FASTKD5: variants seen among roughly 807,000 people sequenced by gnomAD.
The protein encoded by FASTKD5 is FAST kinase domains 5, also known as non-canonical pre-mRNAs endonuclease FASTKD5, mitochondrial.
Under a neutral mutation model 44.0 loss-of-function variants are expected in FASTKD5, and 30 were observed. The observed-to-expected ratio is 0.68, with a 90% confidence interval of 0.51 to 0.93. FASTKD5 has a LOEUF of 0.93. FASTKD5 is among the 40% of genes least tolerant of loss of function. FASTKD5 has a pLI of 0.00. For synonymous variants in FASTKD5, 335 were observed against 342.2 expected, an observed-to-expected ratio of 0.98 and a Z score of 0.23; for missense variants, 868 against 908.2, an observed-to-expected ratio of 0.96 and a Z score of 0.57.
At chr20:3,155,815 C>A (rs1305016514) in intron 1 of FASTKD5, among the ~76,000 whole-genome samples, 1 of 152,168 alleles carries the variant, frequency 6.6e-6, no homozygotes, top group Non-Finnish European at 1.5e-5. Flanking sequence ...AATAAGGAAT[C>A]TTAGAGGCAT....
chr20:3,147,766 C>T lies in FASTKD5; in HGVS notation c.1305G>A (p.Trp435Ter), dbSNP rs763646087. 1 of 1,614,172 alleles carries T rather than the reference C, an allele frequency of 6.2e-7. No individual in the cohort carries two copies. The highest frequency in any genetic ancestry group is 1.1e-5 in the South Asian group (1 of 91,088). The change falls in exon 2 of 2, where the codon TGG becomes TGA. Residue 435 changes from tryptophan (W) to a stop codon, truncating the protein, a stop_gained. Transcript: ENST00000380266. LOFTEE classifies it high-confidence loss of function. ...CRSKDVAKIL[W>*]SFGTLNYKPP... ...GCTTATAATTCAGAGTTCCAAATGA[C>T]CACAGAATCTTGGCAACATCTTTAC...
At chr20:3,159,300 C>T (rs2066722072) in intron 1 of FASTKD5, among the ~76,000 whole-genome samples, 1 of 152,202 alleles carries the variant, frequency 6.6e-6, no homozygotes, top group Non-Finnish European at 1.5e-5. Context: ...GGCCTTGCTA[C>T]TCAGTGTGTG....
chr20:3,155,280 A>G (rs547181180), intron 1 of FASTKD5, among the ~76,000 whole-genome samples: 1 of 152,272 alleles, frequency 6.6e-6, no homozygotes, highest in African/African-American at 2.4e-5. Flanking sequence ...CTGTAATCCC[A>G]GCACTTTGGA....
chr20:3,148,412 T>C lies in FASTKD5; in HGVS notation c.659A>G (p.His220Arg), dbSNP rs1344888085. The C allele has an allele frequency of 6.2e-7, 1 of 1,614,006 alleles. No individual in the cohort carries two copies. Among genetic ancestry groups the C allele is most frequent in the Admixed American group, 1.7e-5 (1 of 60,004 alleles). Residue 220 changes from histidine (H) to arginine (R), a missense_variant, in exon 2 of 2, where the codon CAC becomes CGC. Transcript: ENST00000380266. ...ATACACATCTAGCATTGAATGGGAG[T>C]GAGGGATTCCTAAAATGACAAAAGC... ...LKAFVILGIP[H>R]SHSMLDVYET...
chr20:3,148,272 T>C lies in FASTKD5; in HGVS notation c.799A>G (p.Ser267Gly), dbSNP rs1375467661. Residue 267 changes from serine (S) to glycine (G), a missense_variant, in exon 2 of 2, where the codon AGT becomes GGT. Physicochemically the swap from Ser to Gly is moderately conservative, Grantham distance 56. Coordinates refer to ENST00000380266, the MANE Select transcript of FASTKD5 (RefSeq NM_021826.5). Reference protein sequence around the residue: ...KVPRFLNIFSSYLNLHWKDLS... With the variant: ...KVPRFLNIFSGYLNLHWKDLS... ...TCCTTCCAGTGCAAATTAAGATAAC[T>C]AGAAAAAATGTTTAAAAACCTAGGT... The C allele has an allele frequency of 1.9e-6, 3 of 1,611,000 alleles. No homozygotes were observed. The highest frequency in any genetic ancestry group is 2.5e-6 in the Non-Finnish European group (3 of 1,179,346).
rs1243077424 is a variant in FASTKD5, at chr20:3,148,675, T to C, written c.396A>G (p.Ala132=). 1 of 1,614,224 alleles carries C rather than the reference T, an allele frequency of 6.2e-7. No homozygotes were observed. The highest frequency in any genetic ancestry group is 1.1e-5 in the South Asian group (1 of 91,088). ...RPEYRVHSYN[A]SETSQLLSVS... Reference sequence around the variant, plus strand: ...CAGACAGGAGCTGAGAAGTCTCAGATGCATTATAGCTGTGAACACGGTATT... The same window carrying C: ...CAGACAGGAGCTGAGAAGTCTCAGACGCATTATAGCTGTGAACACGGTATT... Residue 132 remains alanine, a synonymous_variant, in exon 2 of 2, where the codon GCA becomes GCG. Coordinates refer to ENST00000380266, the MANE Select transcript of FASTKD5 (RefSeq NM_021826.5).
intron 1 of FASTKD5, among the ~76,000 whole-genome samples, chr20:3,159,483 A>G (rs1258733572): frequency 2.0e-5 from 3 of 152,258 alleles, no homozygotes; most frequent in African/African-American, 7.2e-5. Context: ...GCACCGTGAG[A>G]CAAGTACTGT....
rs1481619853 is a variant in FASTKD5 at position 3,148,163 on chromosome 20, T to A, written c.908A>T (p.Glu303Val). Residue 303 changes from glutamate to valine, a missense_variant, in exon 2 of 2, where the codon GAA becomes GTA. By Grantham distance (121) the Glu-to-Val change is moderately radical. Transcript: ENST00000380266. ...ATCTATATATTTAAGGATCAATGAT[T>A]CCAATTTTTGCATTAGGTCCTGGGA... Reference protein sequence around the residue: ...QVSQDLMQKLESLILKYIDLI... With the variant: ...QVSQDLMQKLVSLILKYIDLI... 1.2e-6 allele frequency: 2 copies of A among 1,613,808 alleles called. No individual in the cohort carries two copies. Among genetic ancestry groups the A allele is most frequent in the East Asian group, 4.5e-5 (2 of 44,884 alleles).
In FASTKD5 at chr20:3,149,156, A is replaced by G. The variant is rs1442536750; in HGVS notation, c.-86T>C. On this transcript the variant is annotated 5_prime_UTR_variant, in exon 2 of 2. Coordinates refer to ENST00000380266, the MANE Select transcript of FASTKD5 (RefSeq NM_021826.5). The surrounding 1 kb of genome is among the most constrained non-coding windows in gnomAD (Gnocchi z 4.1). Reference sequence around the variant, plus strand: ...CAATTTCTTGTTTATATGGTGCTTGATTAGAGCTGGACGGGGAGGTGTTCC... The same window carrying G: ...CAATTTCTTGTTTATATGGTGCTTGGTTAGAGCTGGACGGGGAGGTGTTCC... The G allele has an allele frequency of 2.1e-6, 3 of 1,451,888 alleles. No homozygotes were observed. The highest frequency in any genetic ancestry group is 1.4e-5 in the African/African-American group (1 of 70,594). The allele number at this position is 1,451,888 out of a possible 1,614,324, so 89.9% of individuals were successfully genotyped here. A position where few individuals can be genotyped will look rare whatever the true frequency, so the allele number is the denominator to read the frequency against.
intron 1 of FASTKD5, among the ~76,000 whole-genome samples, chr20:3,152,266 G>A (rs988431468): frequency 6.6e-6 from 1 of 150,948 alleles, no homozygotes; most frequent in African/African-American, 2.4e-5. Context: ...GGATCTATGA[G>A]GTCAGGCATT....
intron 1 of FASTKD5, among the ~76,000 whole-genome samples, chr20:3,153,166 A>G (rs1020705932): frequency 1.3e-5 from 2 of 152,254 alleles, no homozygotes; most frequent in Admixed American, 1.3e-4. Flanking sequence ...AATTACTTCA[A>G]TTAATTCTAC....
chr20:3,155,553 G>A (rs574541069), intron 1 of FASTKD5, among the ~76,000 whole-genome samples: 35 of 152,142 alleles, frequency 2.3e-4, no homozygotes, highest in Non-Finnish European at 3.1e-4. Context: ...TGGGTCGGGA[G>A]AGGAAACTAT....
chr20:3,154,626 T>C (rs568741700), intron 1 of FASTKD5, among the ~76,000 whole-genome samples: 24 of 152,152 alleles, frequency 1.6e-4, no homozygotes, highest in African/African-American at 5.5e-4. Flanking sequence ...AAGGCTGCAG[T>C]GAGCTGTGAT....
In FASTKD5 at chr20:3,147,527, TA is replaced by T; in HGVS notation, c.1543del (p.Tyr515IlefsTer34). 3.1e-6 allele frequency: 5 copies of T among 1,614,182 alleles called. No homozygotes were observed. The highest frequency in any genetic ancestry group is 4.2e-6 in the Non-Finnish European group (5 of 1,180,038). On this transcript the variant is annotated frameshift_variant, in exon 2 of 2. Coordinates refer to ENST00000380266, the MANE Select transcript of FASTKD5 (RefSeq NM_021826.5). LOFTEE classifies it high-confidence loss of function. The stretch of plus-strand genomic sequence containing the variant: ...AATGCCAACTGTACCATCGAGGGTA[TA>T]TAGTTCCTTAAGGAGGTCAAACTTA... Reference protein sequence around the residue: ...RTKFDLLKELYTLDGTVGIEC... With the variant: ...RTKFDLLKELXTLDGTVGIEC...
Position 3,147,477 on chromosome 20 carries a change from G to T in FASTKD5, c.1594C>A (p.Arg532Ser). 1 of 1,614,144 alleles carries T rather than the reference G, an allele frequency of 6.2e-7. No individual in the cohort carries two copies. The highest frequency in any genetic ancestry group is 8.5e-7 in the Non-Finnish European group (1 of 1,180,036). The change falls in exon 2 of 2, where the codon CGT becomes AGT. Residue 532 changes from arginine to serine, a missense_variant. Coordinates refer to ENST00000380266, the MANE Select transcript of FASTKD5 (RefSeq NM_021826.5). Reference sequence around the variant, plus strand: ...TCTTGCTGAAGGTGAGTACTAAGACGATTGCCTCTGTAATCTGGACACTCA... The same window carrying T: ...TCTTGCTGAAGGTGAGTACTAAGACTATTGCCTCTGTAATCTGGACACTCA... The part of the protein sequence containing the change: ...GIECPDYRGN[R>S]LSTHLQQEGS...
At chr20:3,152,376 C>G (rs993459131) in intron 1 of FASTKD5, among the ~76,000 whole-genome samples, 4 of 151,672 alleles carry the variant, frequency 2.6e-5, no homozygotes, top group Admixed American at 2.6e-4. Flanking sequence ...AGCTGGGGCA[C>G]CTGCAATCCC....
At position 3,146,696 on chromosome 20, in the gene FASTKD5, T is replaced by C. The variant is rs1340507703; in HGVS notation, c.*80A>G. On this transcript the variant is annotated 3_prime_UTR_variant, in exon 2 of 2. Transcript: ENST00000380266. ...CACTATTTTATCGCCAAACTTACAT[T>C]CTGGCTTTTATAATCATTTTGCAAC... is the stretch of plus-strand genomic sequence containing the variant. 2.0e-6 allele frequency: 3 copies of C among 1,491,866 alleles called. No individual in the cohort carries two copies. In the African/African-American group the frequency reaches 4.2e-5, roughly 21 times the overall value. The allele number at this position is 1,491,866 out of a possible 1,614,324, so 92.4% of individuals were successfully genotyped here.
Position 3,147,757 on chromosome 20 carries a change from T to C in FASTKD5, c.1314A>G (p.Gly438=), listed in dbSNP as rs3746698. 16,805 of 1,614,154 alleles carry C rather than the reference T, an allele frequency of 0.01. 253 individuals carry two copies. Among genetic ancestry groups the C allele is most frequent in the South Asian group, 0.051 (4,621 of 91,082 alleles). Reference sequence around the variant, plus strand: ...CATTGGGTGGCTTATAATTCAGAGTTCCAAATGACCACAGAATCTTGGCAA... The same window carrying C: ...CATTGGGTGGCTTATAATTCAGAGTCCCAAATGACCACAGAATCTTGGCAA... ...KDVAKILWSF[G]TLNYKPPNAE... is the part of the protein sequence containing the mutation. Residue 438 remains glycine (G), a synonymous_variant, in exon 2 of 2, where the codon GGA becomes GGG. Coordinates refer to ENST00000380266, the MANE Select transcript of FASTKD5 (RefSeq NM_021826.5).
At position 3,148,179 on chromosome 20, in the gene FASTKD5, G is replaced by T. The variant is rs6084274; in HGVS notation, c.892C>A (p.Leu298Ile). Residue 298 changes from leucine (L) to isoleucine (I), a missense_variant, in exon 2 of 2, where the codon CTA (leucine) becomes ATA (isoleucine). Physicochemically the swap from Leu to Ile is conservative, Grantham distance 5. Coordinates refer to ENST00000380266, the MANE Select transcript of FASTKD5 (RefSeq NM_021826.5). ...ATCAATGATTCCAATTTTTGCATTA[G>T]GTCCTGGGATACCTGACGATTTTCA... is the stretch of plus-strand genomic sequence containing the variant. Reference protein sequence around the residue: ...IGENRQVSQDLMQKLESLILK... With the variant: ...IGENRQVSQDIMQKLESLILK... 1.9e-6 allele frequency: 3 copies of T among 1,613,736 alleles called. No homozygotes were observed. Among genetic ancestry groups the T allele is most frequent in the Admixed American group, 1.7e-5 (1 of 59,970 alleles).
Sources: allele counts gnomAD v4.1 joint callset (sites outside exome capture counted in the v4.1 genomes callset), GRCh38; gene constraint gnomAD v4.1.1; non-coding constraint Gnocchi (gnomAD v3.1); transcripts MANE v1.5; gene names NCBI Gene and HGNC (gene_info 2026-07-23, HGNC 2026-07-21).